SEC13: variants seen among roughly 807,000 people sequenced by gnomAD.
SEC13 encodes protein SEC13 homolog.
Under a neutral mutation model 49.2 loss-of-function variants are expected in SEC13, and 25 were observed. The ratio of observed to expected loss-of-function variants is 0.51; its 90% CI spans 0.37 to 0.71. The LOEUF (loss-of-function observed/expected upper bound fraction) is 0.71. SEC13 is among the 30% of genes least tolerant of loss of function. The probability of loss-of-function intolerance (pLI) is 0.00; values close to 1 mark genes in which losing one functional copy is unlikely to be tolerated. For missense variants in SEC13, 383 were observed against 417.6 expected (o/e 0.92, Z 0.72); for synonymous variants, 148 against 163.9 (o/e 0.90, Z 0.74).
chr3:10,308,735 TTAAAGTC>T (rs1297259793), intron 5 of SEC13, among the ~76,000 whole-genome samples: 1 of 151,998 alleles, frequency 6.6e-6, no homozygotes, highest in Non-Finnish European at 1.5e-5. Context: ...AAAATTTTCT[TTAAAGTC>T]TAATAATTTT....
rs56801249 is a variant in SEC13 at position 10,308,933 on chromosome 3, A to ATTT, written c.450+3029_450+3031dup. 6.7e-3 allele frequency among the ~76,000 whole-genome samples: 685 copies of ATTT among 102,288 alleles called. 28 individuals carry two copies. Among genetic ancestry groups the ATTT allele is most frequent in the African/African-American group, 0.025 (599 of 24,366 alleles). 67.1% of individuals were successfully genotyped at this position (102,288 alleles called of 152,430 possible). ...GGCTGAGCCATCACGCCTGGCCTTG[A>ATTT]TTTTTTTTTTTTTTTTTTTTTTTGA... is the stretch of plus-strand genomic sequence containing the variant. On this transcript the variant is annotated intron_variant, in intron 5 of 8. Coordinates refer to ENST00000350697, the MANE Select transcript of SEC13 (RefSeq NM_183352.3).
chr3:10,313,551 A>C, intron 3 of SEC13: 2 of 388,118 alleles, frequency 5.2e-6, no homozygotes, highest in Non-Finnish European at 5.7e-6. Context: ...CTCCTGGTTT[A>C]CTCCTTCACC....
At chr3:10,312,142 C>T (rs374101022) in intron 4 of SEC13, 44 bp from the exon 5 acceptor site, 20 of 1,544,368 alleles carry the variant, frequency 1.3e-5, no homozygotes, top group Non-Finnish European at 1.5e-5. Flanking sequence ...AGGGAGACCG[C>T]GGCCCCAGGT....
At chr3:10,305,715 G>A (rs1181549294) in intron 5 of SEC13, 23 bp from the exon 6 acceptor site, 2 of 1,613,466 alleles carry the variant, frequency 1.2e-6, no homozygotes, top group African/African-American at 2.7e-5. Context: ...GACACATGGT[G>A]ACTCTGCCTT....
At chr3:10,320,983 C>T (rs1001376268) in intron 1 of SEC13, 67 bp downstream of exon 1, 1 of 1,601,460 alleles carries the variant, frequency 6.2e-7, no homozygotes, top group Non-Finnish European at 8.5e-7. Context: ...TCAGGACGGC[C>T]GAGGAACCCG....
intron 8 of SEC13, 144 bp from the exon 9 acceptor site, chr3:10,301,518 A>G: frequency 9.6e-7 from 1 of 1,044,146 alleles, no homozygotes; most frequent in South Asian, 1.6e-5. Context: ...CTGAAATCTC[A>G]CCAAAATGAG....
intron 4 of SEC13, 80 bp from the exon 5 acceptor site, chr3:10,312,178 T>C (rs1701313454): frequency 1.3e-6 from 2 of 1,493,212 alleles, no homozygotes; most frequent in African/African-American, 1.4e-5. Context: ...TTTACTGTTT[T>C]ACTAAATGTC....
At chr3:10,319,224 G>C (rs2059720407) in intron 1 of SEC13, 1 of 1,613,692 alleles carries the variant, frequency 6.2e-7, no homozygotes. Flanking sequence ...CAGTGGAAGA[G>C]GATGGCTGCA....
rs956765497 is a variant in SEC13, at chr3:10,320,728, C to A, written c.3+322G>T. On this transcript the variant is annotated intron_variant, in intron 1 of 8. Transcript: ENST00000350697. ...GCTGTTAGCAGGCGGAGATTACGAA[C>A]AATGCTGAGGGCTCGGTATACAGTA... 1.5e-5 allele frequency: 18 copies of A among 1,206,436 alleles called. No homozygotes were observed. In the Middle Eastern group the frequency reaches 9.7e-4, roughly 65 times the overall value. 74.7% of individuals were successfully genotyped at this position (1,206,436 alleles called of 1,614,324 possible).
At position 10,304,016 on chromosome 3, in the gene SEC13, G is replaced by A. The variant is rs375564236; in HGVS notation, c.855+10C>T. 9 of 1,613,716 alleles carry A rather than the reference G, an allele frequency of 5.6e-6. No individual in the cohort carries two copies. The highest frequency in any genetic ancestry group is 1.3e-5 in the African/African-American group (1 of 74,930). ...CTGTGTCCACCATGCCACGGGGAAT[G>A]GGTATGTACCTTATTGTCTCCACCA... is the stretch of plus-strand genomic sequence containing the variant. On this transcript the variant is annotated intron_variant, in intron 8 of 8. Coordinates refer to ENST00000350697, the MANE Select transcript of SEC13 (RefSeq NM_183352.3).
intron 2 of SEC13, among the ~76,000 whole-genome samples, chr3:10,316,739 C>A (rs548225796): frequency 1.3e-5 from 2 of 152,300 alleles, no homozygotes; most frequent in African/African-American, 4.8e-5. Context: ...TGAAAACTCA[C>A]GCCTGTAATC....
chr3:10,304,087 A>G lies in SEC13; in HGVS notation c.794T>C (p.Val265Ala), dbSNP rs927260924. ...PKLLHKFNDV[V>A]WHVSWSITAN... The stretch of plus-strand genomic sequence containing the variant: ...TGTGATGGACCAGCTCACATGCCAC[A>G]CCACATCGTTGAACTTGTGCAACAA... The change falls in exon 8 of 9, where the codon GTG becomes GCG. Residue 265 changes from valine to alanine, a missense_variant. Physicochemically the swap from Val to Ala is moderately conservative, Grantham distance 64 (BLOSUM62 0). Transcript: ENST00000350697. 12 of 1,614,058 alleles carry G rather than the reference A, an allele frequency of 7.4e-6. No homozygotes were observed. The highest frequency in any genetic ancestry group is 1.3e-5 in the African/African-American group (1 of 74,904).
intron 2 of SEC13, among the ~76,000 whole-genome samples, chr3:10,317,227 T>C (rs1316020507): frequency 6.6e-6 from 1 of 152,132 alleles, no homozygotes; most frequent in Non-Finnish European, 1.5e-5. Context: ...CATGATTCCA[T>C]GCTATCTCCA....
At chr3:10,308,719 C>A (rs1437179013) in intron 5 of SEC13, among the ~76,000 whole-genome samples, 1 of 143,668 alleles carries the variant, frequency 7.0e-6, no homozygotes, top group Non-Finnish European at 1.5e-5. Context: ...TTCTCTAGAA[C>A]CCCCCAAAAT....
Position 10,318,385 on chromosome 3 carries a change from A to C in SEC13, c.4-291T>G, listed in dbSNP as rs148539393. Among the ~76,000 whole-genome samples the C allele has an allele frequency of 2.9e-4, 44 of 152,026 alleles. 1 individual carries two copies. In the East Asian group the frequency reaches 8.5e-3, roughly 29 times the overall value. Reference sequence around the variant, plus strand: ...GGAGCCTGAGGGGCTGGGGTGGTAGACACGAATTGAGCCCTAGATGATGGG... The same window carrying C: ...GGAGCCTGAGGGGCTGGGGTGGTAGCCACGAATTGAGCCCTAGATGATGGG... On this transcript the variant is annotated intron_variant, in intron 1 of 8. Transcript: ENST00000350697.
intron 1 of SEC13, among the ~76,000 whole-genome samples, chr3:10,318,968 T>C (rs753118107): frequency 6.6e-6 from 1 of 152,260 alleles, no homozygotes; most frequent in Non-Finnish European, 1.5e-5. Context: ...CCTCAAATCA[T>C]CCAGCACAGT....
intron 8 of SEC13, 107 bp from the exon 9 acceptor site, chr3:10,301,481 G>T: frequency 7.0e-7 from 1 of 1,422,438 alleles, no homozygotes; most frequent in Non-Finnish European, 9.7e-7. Flanking sequence ...AGAGGCTTGT[G>T]GGTGAACAGA....
chr3:10,302,236 TCAAAAAACAAAA>T (rs946419851), intron 8 of SEC13, among the ~76,000 whole-genome samples: 4 of 152,266 alleles, frequency 2.6e-5, no homozygotes, highest in South Asian at 2.1e-4. Context: ...AGACTCGATC[TCAAAAAACAAAA>T]CAAAAAACAA....
chr3:10,306,286 T>G lies in SEC13; in HGVS notation c.451-594A>C, dbSNP rs116931662. Among the ~76,000 whole-genome samples, 184 of 152,362 alleles carry G rather than the reference T, an allele frequency of 1.2e-3. 2 individuals are homozygous for G. In the East Asian group the frequency reaches 0.031, roughly 26 times the overall value. On this transcript the variant is annotated intron_variant, in intron 5 of 8. Coordinates refer to ENST00000350697, the MANE Select transcript of SEC13 (RefSeq NM_183352.3). ...CTGAAGAGAGCCTAGTCTCTCGGTC[T>G]GGGTTTTGCTGCTTCATATGCAGTT...
Sources: gnomAD v4.1 joint callset for allele counts (sites outside exome capture counted in the v4.1 genomes callset) on GRCh38, gnomAD v4.1.1 for gene constraint, MANE v1.5 for transcripts, NCBI Gene and HGNC (gene_info 2026-07-23, HGNC 2026-07-21) for gene names.